Variants in ASXL2 observed in about 807,000 individuals in gnomAD.
ASXL2 encodes putative Polycomb group protein ASXL2.
Under a neutral mutation model 122.0 loss-of-function variants are expected in ASXL2, and 23 were observed. The observed-to-expected ratio is 0.19, with a 90% CI of 0.14 to 0.27. ASXL2 has a LOEUF of 0.27. Among genes scored for constraint, ASXL2 ranks in the 10% least tolerant of loss-of-function variants. The pLI, the probability that ASXL2 is intolerant of heterozygous loss-of-function variation, is 1.00. For missense variants in ASXL2, 1,518 were observed against 1,713.8 expected (o/e 0.89, Z 2.02); for synonymous variants, 650 against 637.0 (o/e 1.02, Z -0.31).
At chr2:25,876,629 G>C (rs559593705) in intron 1 of ASXL2, among the ~76,000 whole-genome samples, 2 of 152,300 alleles carry the variant, frequency 1.3e-5, no homozygotes, top group East Asian at 3.9e-4. Context: ...TTTATTAACA[G>C]AAAGAGGTCT....
chr2:25,839,482 T>C (rs1278982326), intron 2 of ASXL2, among the ~76,000 whole-genome samples: 1 of 152,162 alleles, frequency 6.6e-6, no homozygotes, highest in Non-Finnish European at 1.5e-5. Context: ...GCCTTTGCTA[T>C]TGACTCTGAC....
intron 1 of ASXL2, among the ~76,000 whole-genome samples, chr2:25,871,022 T>A (rs1272424255): frequency 6.6e-6 from 1 of 152,160 alleles, no homozygotes; most frequent in African/African-American, 2.4e-5. Context: ...AGGAAATAAA[T>A]TTAAAGCAAG....
chr2:25,733,941 A>G lies in ASXL2; in HGVS notation c.*8088T>C, dbSNP rs2087688817. Reference sequence around the variant, plus strand: ...GCAGAGTTTATTTGTCAAAGTGCTAAGGCCTATGCGCACAAAGATTTTAAG... The same window carrying G: ...GCAGAGTTTATTTGTCAAAGTGCTAGGGCCTATGCGCACAAAGATTTTAAG... On this transcript the variant is annotated 3_prime_UTR_variant, in exon 13 of 13. Coordinates refer to ENST00000435504, the MANE Select transcript of ASXL2 (RefSeq NM_018263.6). The G allele has an allele frequency of 6.6e-6, 1 of 152,216 alleles. No individual in the cohort carries two copies. The highest frequency in any genetic ancestry group is 2.4e-5 in the African/African-American group (1 of 41,462). The allele number at this position is 152,216 out of a possible 1,614,324, so 9.4% of individuals were successfully genotyped here.
At chr2:25,758,414 G>A (rs2149145618) in intron 9 of ASXL2, among the ~76,000 whole-genome samples, 1 of 152,222 alleles carries the variant, frequency 6.6e-6, no homozygotes, top group African/African-American at 2.4e-5. Flanking sequence ...GGGTTGGGGA[G>A]ACCTATCACA....
At chr2:25,845,966 C>A (rs2149193475) in intron 1 of ASXL2, among the ~76,000 whole-genome samples, 1 of 152,318 alleles carries the variant, frequency 6.6e-6, no homozygotes, top group East Asian at 1.9e-4. Context: ...CATGAAGCAG[C>A]TATTTGAGGA....
At chr2:25,749,673 TC>T in intron 12 of ASXL2, 22 bp downstream of exon 12, 1 of 1,490,438 alleles carries the variant, frequency 6.7e-7, no homozygotes, top group African/African-American at 1.4e-5. Flanking sequence ...TCTCTGCTTT[TC>T]TAATTCTCTC....
intron 4 of ASXL2, among the ~76,000 whole-genome samples, chr2:25,802,861 T>A (rs1054900742): frequency 7.2e-5 from 11 of 152,278 alleles, no homozygotes; most frequent in Non-Finnish European, 8.8e-5. Context: ...CTGGGTGCGG[T>A]GGCTCATGCC....
chr2:25,739,633 C>A lies in ASXL2; in HGVS notation c.*2396G>T, dbSNP rs183069820. On this transcript the variant is annotated 3_prime_UTR_variant, in exon 13 of 13. Transcript: ENST00000435504. ...GTGAACAGCAATGTTTAGGACCTAT[C>A]TATAAGAGCCTGGGTCAAGATGAAG... is the stretch of plus-strand genomic sequence containing the variant. The A allele has an allele frequency of 5.1e-6, 1 of 195,686 alleles. No homozygotes were observed. The highest frequency in any genetic ancestry group is 2.3e-5 in the African/African-American group (1 of 43,194). The allele number at this position is 195,686 out of a possible 1,614,324, so 12.1% of individuals were successfully genotyped here.
intron 5 of ASXL2, among the ~76,000 whole-genome samples, chr2:25,796,408 C>T (rs959574597): frequency 6.6e-6 from 1 of 152,164 alleles, no homozygotes; most frequent in Non-Finnish European, 1.5e-5. Context: ...TAAAATTTGC[C>T]TTGCCATGTA....
chr2:25,848,920 C>A (rs1200662238), intron 1 of ASXL2, among the ~76,000 whole-genome samples: 6 of 150,318 alleles, frequency 4.0e-5, no homozygotes, highest in Admixed American at 4.0e-4. Context: ...GTGGCAGGTG[C>A]CTGTAGTCCC....
In ASXL2 at chr2:25,845,450, A is replaced by C. The variant is rs550541740; in HGVS notation, c.140+31T>G. On this transcript the variant is annotated intron_variant, in intron 2 of 12. Coordinates refer to ENST00000435504, the MANE Select transcript of ASXL2 (RefSeq NM_018263.6). ...ACCAAATACTCTGATCAAGTATTAT[A>C]ATTATTACTAAAAATATTTAAATAA... is the stretch of plus-strand genomic sequence containing the variant. 1.2e-5 allele frequency: 16 copies of C among 1,371,582 alleles called. No individual in the cohort carries two copies. The East Asian group carries it at 4.2e-4, about 36-fold the overall frequency. The allele number at this position is 1,371,582 out of a possible 1,614,324, so 85.0% of individuals were successfully genotyped here.
chr2:25,863,146 G>A (rs775903505), intron 1 of ASXL2, among the ~76,000 whole-genome samples: 7 of 151,510 alleles, frequency 4.6e-5, no homozygotes, highest in African/African-American at 1.2e-4. Context: ...TAGCTAACAC[G>A]GTAAAACCCC....
intron 5 of ASXL2, among the ~76,000 whole-genome samples, chr2:25,795,509 A>G (rs1216707851): frequency 6.6e-6 from 1 of 152,208 alleles, no homozygotes; most frequent in Non-Finnish European, 1.5e-5. Flanking sequence ...ACCGTTAGTT[A>G]TAAGCAAAAG....
chr2:25,842,852 C>T (rs369168089), intron 2 of ASXL2, among the ~76,000 whole-genome samples: 3 of 151,288 alleles, frequency 2.0e-5, no homozygotes, highest in African/African-American at 7.3e-5. Flanking sequence ...GACAGAGTCT[C>T]GCTCTGTTGC....
In ASXL2 at chr2:25,878,158, C is replaced by G. The variant is rs774540537; in HGVS notation, c.57+8G>C. 2 of 1,613,904 alleles carry G rather than the reference C, an allele frequency of 1.2e-6. No homozygotes were observed. The highest frequency in any genetic ancestry group is 2.2e-5 in the South Asian group (2 of 91,084). ...TCCCGGCCTTCCCCTTCGCTCCCTCCCCCTTACCGTCTTGGCGGCCTCCGC... is the reference window on the plus strand; with the variant it reads ...TCCCGGCCTTCCCCTTCGCTCCCTCGCCCTTACCGTCTTGGCGGCCTCCGC... On this transcript the variant is annotated splice_region_variant and intron_variant, in intron 1 of 12. Transcript: ENST00000435504.
chr2:25,762,082 T>A (rs2088261618), intron 8 of ASXL2, among the ~76,000 whole-genome samples: 1 of 152,030 alleles, frequency 6.6e-6, no homozygotes, highest in Non-Finnish European at 1.5e-5. Context: ...ATAGAAAAGA[T>A]TAGCACTGAA....
intron 5 of ASXL2, among the ~76,000 whole-genome samples, chr2:25,794,922 C>T (rs2088890346): frequency 6.6e-6 from 1 of 152,176 alleles, no homozygotes; most frequent in Non-Finnish European, 1.5e-5. Flanking sequence ...ATGTCTGTCA[C>T]TTTAATTTGC....
Position 25,742,888 on chromosome 2 carries a change from A to C in ASXL2, c.3449T>G (p.Phe1150Cys). ...RTHSVNPEDRFCLSSPTEALK... is the reference protein window; with the variant it reads ...RTHSVNPEDRCCLSSPTEALK... ...GGCTTCAGTGGGGCTGCTTAGACAA[A>C]AACGATCTTCAGGGTTTACAGAATG... Residue 1150 changes from phenylalanine to cysteine, a missense_variant, in exon 13 of 13, where the codon TTT becomes TGT. This residue lies in a region of ASXL2 where 831 missense variants were observed against 833.1 expected (regional missense o/e 1.00). Coordinates refer to ENST00000435504, the MANE Select transcript of ASXL2 (RefSeq NM_018263.6). 2 of 1,614,004 alleles carry C rather than the reference A, an allele frequency of 1.2e-6. No individual in the cohort carries two copies. The highest frequency in any genetic ancestry group is 1.7e-6 in the Non-Finnish European group (2 of 1,179,886).
chr2:25,793,128 G>A (rs531170298), intron 5 of ASXL2, among the ~76,000 whole-genome samples: 1 of 152,038 alleles, frequency 6.6e-6, no homozygotes, highest in East Asian at 2.0e-4. Flanking sequence ...AGCTACTGGG[G>A]AGGCTGTGGC....
Sources: allele counts gnomAD v4.1 joint callset (sites outside exome capture counted in the v4.1 genomes callset), GRCh38; gene constraint gnomAD v4.1.1; regional missense constraint gnomAD v4.1.1; transcripts MANE v1.5; gene names NCBI Gene and HGNC (gene_info 2026-07-23, HGNC 2026-07-21).